The following NDUFA10 variants were observed in gnomAD, a reference collection of about 807,000 sequenced individuals.
NDUFA10 encodes NADH:ubiquinone oxidoreductase subunit A10, also known as NADH dehydrogenase [ubiquinone] 1 alpha subcomplex subunit 10, mitochondrial.
NDUFA10 carries 40 observed loss-of-function variants against 47.8 expected under a neutral mutation model. The observed-to-expected ratio is 0.84, with a 90% CI of 0.65 to 1.09. The LOEUF is 1.09. NDUFA10 is among the 50% of genes least tolerant of loss of function. The pLI, the probability that NDUFA10 is intolerant of heterozygous loss-of-function variation, is 0.00. For synonymous variants in NDUFA10, 183 were observed against 172.2 expected (o/e 1.06, Z -0.49); for missense variants, 413 against 451.1 (o/e 0.92, Z 0.76).
At chr2:239,927,956 G>T (rs1356520342) in intron 4 of NDUFA10, among the ~76,000 whole-genome samples, 1 of 152,228 alleles carries the variant, frequency 6.6e-6, no homozygotes, top group Non-Finnish European at 1.5e-5. Flanking sequence ...GGACACAGGG[G>T]ACTTCTGCAT....
chr2:239,902,217 A>G (rs1009348211), intron 4 of NDUFA10, among the ~76,000 whole-genome samples: 4 of 152,234 alleles, frequency 2.6e-5, no homozygotes, highest in Non-Finnish European at 4.4e-5. Flanking sequence ...ATCTTTCATG[A>G]AAGAAAGTGT....
At chr2:239,968,327 G>A (rs1574825943) in intron 9 of NDUFA10, among the ~76,000 whole-genome samples, 1 of 152,232 alleles carries the variant, frequency 6.6e-6, no homozygotes, top group Admixed American at 6.5e-5. Flanking sequence ...CCGCTGAGCA[G>A]CGAGCACAGA....
intron 4 of NDUFA10, among the ~76,000 whole-genome samples, chr2:239,948,386 G>C (rs563776403): frequency 1.3e-3 from 200 of 152,318 alleles, no homozygotes; most frequent in African/African-American, 4.6e-3. Flanking sequence ...CCAGGGGACA[G>C]AAAGTAACCG....
At chr2:239,929,766 T>C (rs28415832) in intron 4 of NDUFA10, among the ~76,000 whole-genome samples, 24,001 of 110,938 alleles carry the variant, frequency 0.22, 3,833 homozygotes, top group African/African-American at 0.46. Context: ...GCTCCTCCAC[T>C]GCCCCTGCTT....
chr2:239,997,909 G>A (rs576225725), intron 8 of NDUFA10, among the ~76,000 whole-genome samples: 1 of 152,334 alleles, frequency 6.6e-6, no homozygotes, highest in East Asian at 1.9e-4. Flanking sequence ...GCCAAGCCCT[G>A]ATTTGCATCT....
At chr2:239,920,467 A>T (rs1362298736) in intron 4 of NDUFA10, among the ~76,000 whole-genome samples, 1 of 152,218 alleles carries the variant, frequency 6.6e-6, no homozygotes, top group Non-Finnish European at 1.5e-5. Flanking sequence ...GGAGAAAATC[A>T]AAAGGCTTCA....
chr2:239,930,847 CGGGT>C (rs767797498), intron 4 of NDUFA10, among the ~76,000 whole-genome samples: 3,403 of 102,404 alleles, frequency 0.033, 1,093 homozygotes, highest in East Asian at 0.09. Context: ...TCCTGGTGGA[CGGGT>C]ACAGCATGCC....
At chr2:239,917,231 T>C (rs1217330074) in intron 4 of NDUFA10, among the ~76,000 whole-genome samples, 5 of 152,172 alleles carry the variant, frequency 3.3e-5, no homozygotes, top group African/African-American at 9.7e-5. Flanking sequence ...TAGGCTTTCC[T>C]GGATTAGGCT....
Position 239,960,888 on chromosome 2 carries a change from CATT to C in NDUFA10, c.*227_*229del. 7.0e-7 allele frequency: 1 copy of C among 1,427,358 alleles called. No individual in the cohort carries two copies. The allele number at this position is 1,427,358 out of a possible 1,614,324, so 88.4% of individuals were successfully genotyped here. ...CTGTTTTCCAGTGAGAATGGTGGGC[CATT>C]CCAAAACAAAGCTAAAGGGTTCCAA... On this transcript the variant is annotated 3_prime_UTR_variant, in exon 10 of 10. Transcript: ENST00000252711.
At chr2:239,929,051 C>A (rs1303440330) in intron 4 of NDUFA10, among the ~76,000 whole-genome samples, 1 of 152,240 alleles carries the variant, frequency 6.6e-6, no homozygotes, top group Non-Finnish European at 1.5e-5. Context: ...AGGCTTGAAC[C>A]CCCTCCCGTG....
intron 4 of NDUFA10, among the ~76,000 whole-genome samples, chr2:239,911,666 A>AGTGT (rs1271984352): frequency 1.5e-4 from 13 of 86,354 alleles, no homozygotes; most frequent in African/African-American, 5.6e-4. Context: ...CCAAAACATG[A>AGTGT]GAGAGTGTGT....
Position 240,005,228 on chromosome 2 carries a change from A to G in NDUFA10, c.872T>C (p.Leu291Ser), listed in dbSNP as rs1443732864. 4 of 1,613,954 alleles carry G rather than the reference A, an allele frequency of 2.5e-6. No homozygotes were observed. The highest frequency in any genetic ancestry group is 1.7e-4 in the Middle Eastern group (1 of 6,060). Residue 291 changes from leucine (L) to serine (S), a missense_variant, in exon 8 of 10, where the codon TTA (leucine) becomes TCA (serine). Physicochemically the swap from Leu to Ser is moderately radical, Grantham distance 145. Transcript: ENST00000252711. ...GPWLKQDNRT[L>S]YHLRLLVQDK... ...CACTTACAGTAATCGCAGGTGGTAT[A>G]AAGTGCGATTGTCCTGCTTGAGCCA... is the stretch of plus-strand genomic sequence containing the variant.
chr2:239,918,282 G>C (rs1693911616), intron 4 of NDUFA10, among the ~76,000 whole-genome samples: 1 of 152,204 alleles, frequency 6.6e-6, no homozygotes, highest in Non-Finnish European at 1.5e-5. Context: ...GCCCTGGGCA[G>C]CAACAGGCCA....
chr2:239,912,908 T>C (rs1693779946), intron 4 of NDUFA10, among the ~76,000 whole-genome samples: 1 of 152,140 alleles, frequency 6.6e-6, no homozygotes, highest in Admixed American at 6.6e-5. Context: ...GATTCCCGAG[T>C]CTTTCCAAGC....
chr2:239,968,855 G>C (rs1327597534), intron 9 of NDUFA10, among the ~76,000 whole-genome samples: 1 of 152,154 alleles, frequency 6.6e-6, no homozygotes, highest in African/African-American at 2.4e-5. Flanking sequence ...CAGAGCAGAG[G>C]GGCCTCTCGC....
intron 9 of NDUFA10, among the ~76,000 whole-genome samples, chr2:239,978,467 T>C (rs1165047592): frequency 1.3e-5 from 2 of 152,156 alleles, no homozygotes; most frequent in East Asian, 1.9e-4. Context: ...TGCCTCCTAA[T>C]ACTCTGGCGA....
chr2:239,915,621 G>T (rs573223976), intron 4 of NDUFA10, among the ~76,000 whole-genome samples: 1 of 136,422 alleles, frequency 7.3e-6, no homozygotes, highest in East Asian at 2.2e-4. Context: ...CACATACACA[G>T]ACACACACAA....
intron 6 of NDUFA10, 75 bp from the exon 7 acceptor site, chr2:240,007,445 C>A: frequency 9.8e-7 from 1 of 1,018,498 alleles, no homozygotes. Flanking sequence ...GAATACATAC[C>A]GCTAAAGTCT....
chr2:239,957,624 T>G lies in NDUFA10; in HGVS notation c.*3494A>C, dbSNP rs1694693322. The G allele has an allele frequency of 6.6e-6, 1 of 152,256 alleles. No individual in the cohort carries two copies. 9.4% of individuals were successfully genotyped at this position (152,256 alleles called of 1,614,324 possible). On this transcript the variant is annotated 3_prime_UTR_variant, in exon 10 of 10. Coordinates refer to ENST00000252711, the MANE Select transcript of NDUFA10 (RefSeq NM_004544.4). ...TAAAGATAAAATTTGACAGTTTCATTTGTCTTCCTATTAGAACCCTTAAAT... is the reference window on the plus strand; with the variant it reads ...TAAAGATAAAATTTGACAGTTTCATGTGTCTTCCTATTAGAACCCTTAAAT...
Sources: allele counts gnomAD v4.1 joint callset (sites outside exome capture counted in the v4.1 genomes callset), GRCh38; gene constraint gnomAD v4.1.1; transcripts MANE v1.5; gene names NCBI Gene and HGNC (gene_info 2026-07-23, HGNC 2026-07-21).